ZBTB20: variants seen among roughly 807,000 people sequenced by gnomAD.
ZBTB20 encodes zinc finger and BTB domain-containing protein 20.
In ZBTB20, 9 loss-of-function variants were observed where a neutral mutation model predicts 56.9. That is an observed-to-expected ratio of 0.16 (90% CI 0.10 to 0.28). The LOEUF (loss-of-function observed/expected upper bound fraction) is 0.28, where lower values mean the gene tolerates loss of function less well. Ranked by LOEUF, ZBTB20 falls within the 10% of genes least tolerant of loss-of-function variation. The pLI is 1.00. For missense variants in ZBTB20, 655 were observed against 1,003.0 expected (o/e 0.65, Z 4.69); for synonymous variants, 417 against 420.7 (o/e 0.99, Z 0.11).
intron 11 of ZBTB20, among the ~76,000 whole-genome samples, chr3:114,343,974 G>A (rs2722017): frequency 0.017 from 2,518 of 152,162 alleles, 75 homozygotes; most frequent in African/African-American, 0.058. Flanking sequence ...ACTTGAACCC[G>A]GGAGGTGGAG....
In ZBTB20 at chr3:114,466,289, T is replaced by C. The variant is rs939769112; in HGVS notation, c.-255+34063A>G. ...AAGCACTTCACACCCCGTTACTTTGTTCTCATAACATCTAAGGTAGGCATC... is the reference window on the plus strand; with the variant it reads ...AAGCACTTCACACCCCGTTACTTTGCTCTCATAACATCTAAGGTAGGCATC... On this transcript the variant is annotated intron_variant, in intron 7 of 11. Coordinates refer to ENST00000675478, the MANE Select transcript of ZBTB20 (RefSeq NM_001348800.3). Among the ~76,000 whole-genome samples, 7 of 152,354 alleles carry C rather than the reference T, an allele frequency of 4.6e-5. No homozygotes were observed. In the East Asian group the frequency reaches 1.3e-3, roughly 29 times the overall value.
intron 6 of ZBTB20, among the ~76,000 whole-genome samples, chr3:114,631,092 C>T (rs2058912468): frequency 6.6e-6 from 1 of 152,024 alleles, no homozygotes; most frequent in Non-Finnish European, 1.5e-5. Flanking sequence ...CCAAGTGCTG[C>T]CCACATACAT....
chr3:115,016,094 TG>T (rs2079943424), intron 2 of ZBTB20, among the ~76,000 whole-genome samples: 1 of 152,002 alleles, frequency 6.6e-6, no homozygotes, highest in Non-Finnish European at 1.5e-5. Context: ...TTTTCACGTT[TG>T]TTGGCTGCAT....
chr3:114,672,325 T>G (rs2061400419), intron 6 of ZBTB20, among the ~76,000 whole-genome samples: 1 of 152,138 alleles, frequency 6.6e-6, no homozygotes, highest in African/African-American at 2.4e-5. Context: ...CTTGGTTTCC[T>G]GGCAAAATCC....
chr3:114,741,812 C>T (rs955500582), intron 5 of ZBTB20, among the ~76,000 whole-genome samples: 10 of 148,730 alleles, frequency 6.7e-5, no homozygotes, highest in African/African-American at 1.2e-4. Flanking sequence ...ACCTTGGAGG[C>T]GGAGGTTGCA....
intron 9 of ZBTB20, among the ~76,000 whole-genome samples, 164 bp from the exon 10 acceptor site, chr3:114,380,568 CT>C (rs1290161510): frequency 6.6e-6 from 1 of 151,902 alleles, no homozygotes; most frequent in Non-Finnish European, 1.5e-5. Flanking sequence ...TTTTTTTTCC[CT>C]CCAGTAATGG....
intron 3 of ZBTB20, among the ~76,000 whole-genome samples, chr3:114,948,055 T>C (rs1292338818): frequency 6.9e-6 from 1 of 145,558 alleles, no homozygotes; most frequent in African/African-American, 2.8e-5. Flanking sequence ...AATAGAAATA[T>C]CTTAAAGAAA....
At chr3:114,999,541 A>G (rs2079164603) in intron 2 of ZBTB20, among the ~76,000 whole-genome samples, 1 of 151,552 alleles carries the variant, frequency 6.6e-6, no homozygotes, top group Non-Finnish European at 1.5e-5. Flanking sequence ...TTATTCTTAG[A>G]AGGAATTTCC....
At chr3:114,753,520 C>T (rs547998226) in intron 5 of ZBTB20, among the ~76,000 whole-genome samples, 80 of 151,246 alleles carry the variant, frequency 5.3e-4, no homozygotes, top group East Asian at 2.5e-3. Context: ...CTGCAACCTC[C>T]GCCTCCCGAG....
At chr3:114,346,755 C>T (rs919343201) in intron 11 of ZBTB20, among the ~76,000 whole-genome samples, 8 of 151,148 alleles carry the variant, frequency 5.3e-5, no homozygotes, top group South Asian at 2.1e-4. Flanking sequence ...GTGTGATCTC[C>T]GCTCACTGTA....
rs114347948 is a variant in ZBTB20 at position 114,686,314 on chromosome 3, C to T, written c.-295+7214G>A. ...AATCCACTGAGCAAGGTAAAGAGTG[C>T]GAAGCAGTTATTCACAGAATTTGGT... is the stretch of plus-strand genomic sequence containing the variant. On this transcript the variant is annotated intron_variant, in intron 6 of 11. Coordinates refer to ENST00000675478, the MANE Select transcript of ZBTB20 (RefSeq NM_001348800.3). Among the ~76,000 whole-genome samples, 833 of 152,170 alleles carry T rather than the reference C, an allele frequency of 5.5e-3. 9 individuals are homozygous for T. Among genetic ancestry groups the T allele is most frequent in the African/African-American group, 0.019 (779 of 41,514 alleles).
At chr3:114,718,883 AG>A (rs2064704322) in intron 5 of ZBTB20, among the ~76,000 whole-genome samples, 1 of 151,966 alleles carries the variant, frequency 6.6e-6, no homozygotes, top group Non-Finnish European at 1.5e-5. Context: ...CAAAATTCCC[AG>A]AGTTAATACT....
intron 7 of ZBTB20, among the ~76,000 whole-genome samples, chr3:114,426,959 C>T (rs1219944292): frequency 6.6e-6 from 1 of 152,062 alleles, no homozygotes. Flanking sequence ...TGAAAAAAGT[C>T]CCATTTTGTT....
chr3:114,762,974 A>AT (rs1392312783), intron 5 of ZBTB20, among the ~76,000 whole-genome samples: 1 of 152,138 alleles, frequency 6.6e-6, no homozygotes, highest in Admixed American at 6.5e-5. Flanking sequence ...AGTAGATGCT[A>AT]TTTTTCCCAA....
intron 3 of ZBTB20, among the ~76,000 whole-genome samples, chr3:114,903,303 C>T (rs1431836197): frequency 6.6e-6 from 1 of 151,898 alleles, no homozygotes; most frequent in African/African-American, 2.4e-5. Flanking sequence ...ATGTTATAGC[C>T]ATATAAAGGA....
At chr3:115,043,934 G>A (rs73228396) in intron 2 of ZBTB20, among the ~76,000 whole-genome samples, 1 of 152,114 alleles carries the variant, frequency 6.6e-6, no homozygotes, top group South Asian at 2.1e-4. Context: ...TTGGTAATAA[G>A]TGAGCTCTCA....
intron 10 of ZBTB20, among the ~76,000 whole-genome samples, chr3:114,361,680 T>C (rs529972603): frequency 9.2e-5 from 14 of 152,304 alleles, no homozygotes; most frequent in Non-Finnish European, 1.8e-4. Context: ...GTGAGGCTGA[T>C]TGATGCTTTG....
chr3:114,793,973 C>G (rs2071168753), intron 5 of ZBTB20, among the ~76,000 whole-genome samples: 2 of 151,848 alleles, frequency 1.3e-5, no homozygotes, highest in Admixed American at 1.3e-4. Flanking sequence ...GACATTTGGG[C>G]TATTAGAGAA....
intron 7 of ZBTB20, among the ~76,000 whole-genome samples, chr3:114,438,362 C>G (rs1449991964): frequency 2.0e-5 from 3 of 149,694 alleles, no homozygotes; most frequent in Non-Finnish European, 3.0e-5. Flanking sequence ...CCAATAAAGG[C>G]CAAAGCCCTC....
Sources: allele counts gnomAD v4.1 joint callset (sites outside exome capture counted in the v4.1 genomes callset), GRCh38; gene constraint gnomAD v4.1.1; transcripts MANE v1.5; gene names NCBI Gene and HGNC (gene_info 2026-07-23, HGNC 2026-07-21).